GPR158: variants seen among roughly 807,000 people sequenced by gnomAD.
GPR158 encodes the protein metabotropic glycine receptor.
GPR158 carries 30 observed loss-of-function variants against 78.2 expected under a neutral mutation model. The observed-to-expected ratio is 0.38, with a 90% CI of 0.29 to 0.52. The LOEUF (loss-of-function observed/expected upper bound fraction) is 0.52, where lower values mean the gene tolerates loss of function less well. GPR158 is among the 20% of genes least tolerant of loss of function. The pLI, the probability that GPR158 is intolerant of heterozygous loss-of-function variation, is 0.83. For missense variants in GPR158, 1,463 were observed against 1,523.5 expected, an observed-to-expected ratio of 0.96 and a Z score of 0.66; for synonymous variants, 581 against 591.1, an observed-to-expected ratio of 0.98 and a Z score of 0.25.
intron 2 of GPR158, among the ~76,000 whole-genome samples, chr10:25,270,412 TG>T (rs1854102426): frequency 6.6e-6 from 1 of 152,076 alleles, no homozygotes; most frequent in African/African-American, 2.4e-5. Flanking sequence ...TAGAGTGAGA[TG>T]GATTTGGAAT....
intron 5 of GPR158, among the ~76,000 whole-genome samples, chr10:25,514,095 A>G (rs4623781): frequency 6.6e-6 from 1 of 151,700 alleles, no homozygotes. Flanking sequence ...ATGATCTAAG[A>G]GCTGTCAGTG....
intron 1 of GPR158, among the ~76,000 whole-genome samples, chr10:25,213,456 T>G (rs1302972532): frequency 6.6e-6 from 1 of 152,218 alleles, no homozygotes; most frequent in Non-Finnish European, 1.5e-5. Context: ...AACTTTTCAT[T>G]CTGATATATA....
At chr10:25,299,193 G>A (rs980998551) in intron 2 of GPR158, among the ~76,000 whole-genome samples, 1 of 152,068 alleles carries the variant, frequency 6.6e-6, no homozygotes, top group Non-Finnish European at 1.5e-5. Flanking sequence ...ACTACAGTCA[G>A]GTAAATTAAC....
intron 2 of GPR158, among the ~76,000 whole-genome samples, chr10:25,348,701 C>G (rs1328867686): frequency 6.6e-6 from 1 of 151,914 alleles, no homozygotes; most frequent in Non-Finnish European, 1.5e-5. Flanking sequence ...CCAAAAGATT[C>G]CTCTTTCTTA....
chr10:25,320,423 G>A (rs1854931494), intron 2 of GPR158, among the ~76,000 whole-genome samples: 1 of 152,198 alleles, frequency 6.6e-6, no homozygotes, highest in Non-Finnish European at 1.5e-5. Flanking sequence ...CCATCTGTGG[G>A]TCTGCTCTTC....
intron 4 of GPR158, among the ~76,000 whole-genome samples, chr10:25,416,166 G>C (rs554820094): frequency 2.0e-5 from 3 of 152,116 alleles, no homozygotes; most frequent in African/African-American, 7.2e-5. Flanking sequence ...ATTTTGGACC[G>C]CTTTATAAAA....
At chr10:25,229,034 C>CAAAAAAAAAAAAAAAAA (rs767651286) in intron 2 of GPR158, among the ~76,000 whole-genome samples, 1 of 88,754 alleles carries the variant, frequency 1.1e-5, no homozygotes. Context: ...GACTCAATGT[C>CAAAAAAAAAAAAAAAAA]AAAAAAAAAA....
intron 4 of GPR158, among the ~76,000 whole-genome samples, chr10:25,461,930 C>T (rs759216717): frequency 2.2e-4 from 34 of 151,780 alleles, no homozygotes; most frequent in Admixed American, 7.2e-4. Context: ...TTAATAGAGA[C>T]GGGGTTTCAC....
chr10:25,354,245 C>T (rs1855516371), intron 2 of GPR158, among the ~76,000 whole-genome samples: 1 of 151,626 alleles, frequency 6.6e-6, no homozygotes, highest in South Asian at 2.1e-4. Context: ...ATCCCAGCCT[C>T]CTAGGAGGCT....
At chr10:25,304,927 C>T (rs1243869363) in intron 2 of GPR158, among the ~76,000 whole-genome samples, 1 of 152,148 alleles carries the variant, frequency 6.6e-6, no homozygotes, top group Non-Finnish European at 1.5e-5. Flanking sequence ...GTTATCTAAC[C>T]TGTATTTGAA....
At chr10:25,552,309 C>A (rs1436025570) in intron 6 of GPR158, among the ~76,000 whole-genome samples, 1 of 152,174 alleles carries the variant, frequency 6.6e-6, no homozygotes, top group Non-Finnish European at 1.5e-5. Flanking sequence ...TTCCCTCCGG[C>A]ATCCTTCTTC....
intron 2 of GPR158, among the ~76,000 whole-genome samples, chr10:25,297,537 C>T: frequency 6.6e-6 from 1 of 152,120 alleles, no homozygotes; most frequent in East Asian, 1.9e-4. Context: ...GTCCTCAGTA[C>T]ATGGCAGAAG....
In GPR158 at chr10:25,264,882, G is replaced by A. The variant is rs534222309; in HGVS notation, c.1008+43725G>A. ...TTCTTGAAAGTAGAATTGATACTCT[G>A]CGAACTATTTTTAATATTTCTAGAA... On this transcript the variant is annotated intron_variant, in intron 2 of 10. Transcript: ENST00000376351. Among the ~76,000 whole-genome samples, 9 of 152,248 alleles carry A rather than the reference G, an allele frequency of 5.9e-5. No homozygotes were observed. The South Asian group carries it at 1.9e-3, about 32-fold the overall frequency.
intron 2 of GPR158, among the ~76,000 whole-genome samples, chr10:25,266,579 AC>A (rs1255446309): frequency 1.3e-5 from 2 of 152,140 alleles, no homozygotes; most frequent in Non-Finnish European, 2.9e-5. Context: ...GTCTTTTTTT[AC>A]ATTCTAAGCT....
At chr10:25,386,869 G>T (rs1045337631) in intron 2 of GPR158, among the ~76,000 whole-genome samples, 5 of 152,096 alleles carry the variant, frequency 3.3e-5, no homozygotes, top group Admixed American at 2.6e-4. Context: ...TGTGTGTGTG[G>T]AATTTCAGGG....
intron 4 of GPR158, among the ~76,000 whole-genome samples, chr10:25,445,954 C>A (rs1222981705): frequency 2.0e-5 from 3 of 152,120 alleles, no homozygotes; most frequent in African/African-American, 7.2e-5. Context: ...GAAGTCAGAA[C>A]TGGAACTCAG....
chr10:25,454,141 C>T (rs1835260429), intron 4 of GPR158, among the ~76,000 whole-genome samples: 1 of 151,866 alleles, frequency 6.6e-6, no homozygotes, highest in South Asian at 2.1e-4. Flanking sequence ...CTTTCACCTC[C>T]TTGGTTAAAT....
intron 2 of GPR158, among the ~76,000 whole-genome samples, chr10:25,395,016 G>A (rs1369209265): frequency 6.6e-6 from 1 of 152,126 alleles, no homozygotes; most frequent in Non-Finnish European, 1.5e-5. Flanking sequence ...TATCATGAAA[G>A]AAATTTCAGT....
In GPR158 at chr10:25,385,602, A is replaced by G. The variant is rs1180715216; in HGVS notation, c.1009-10309A>G. Among the ~76,000 whole-genome samples, 6 of 151,996 alleles carry G rather than the reference A, an allele frequency of 3.9e-5. No homozygotes were observed. In the East Asian group the frequency reaches 9.6e-4, roughly 24 times the overall value. On this transcript the variant is annotated intron_variant, in intron 2 of 10. Coordinates refer to ENST00000376351, the MANE Select transcript of GPR158 (RefSeq NM_020752.3). ...TCACCAACAGTGCACAAGGGTTCCA[A>G]TTTTTTCCACATCCTCAGAAACATT...
Sources: gnomAD v4.1 joint callset for allele counts (sites outside exome capture counted in the v4.1 genomes callset) on GRCh38, gnomAD v4.1.1 for gene constraint, MANE v1.5 for transcripts, NCBI Gene and HGNC (gene_info 2026-07-23, HGNC 2026-07-21) for gene names.